LY96: variants seen among roughly 807,000 people sequenced by gnomAD.
The protein encoded by LY96 is lymphocyte antigen 96, also known as myeloid differentiation protein-2.
A neutral mutation model predicts 18.9 loss-of-function variants in LY96; 18 were observed. The observed-to-expected ratio is 0.95, with a 90% CI of 0.66 to 1.41. The LOEUF (loss-of-function observed/expected upper bound fraction) is 1.41. Ranked by LOEUF, LY96 falls within the 40% of genes most tolerant of loss-of-function variation. The pLI, the probability that LY96 is intolerant of heterozygous loss-of-function variation, is 0.00. For missense variants in LY96, 175 were observed against 182.4 expected (o/e 0.96, Z 0.23); for synonymous variants, 66 against 62.6 (o/e 1.06, Z -0.26).
At chr8:74,063,764 C>A in the LY96 span, among the ~76,000 whole-genome samples, 4 of 144,118 alleles carry the variant, frequency 2.8e-5, no homozygotes, top group African/African-American at 8.5e-5. Flanking sequence ...TATTTTCCCA[C>A]CTTTTTTGCT....
the LY96 span, among the ~76,000 whole-genome samples, chr8:74,091,741 C>G: frequency 1.3e-5 from 2 of 152,182 alleles, no homozygotes; most frequent in Admixed American, 1.3e-4. Context: ...CTTCCCTCCT[C>G]GCTGTGATCT....
At chr8:74,033,868 AT>A (rs1288536873), downstream of LY96, among the ~76,000 whole-genome samples, 1 of 151,092 alleles carries the variant, frequency 6.6e-6, no homozygotes, top group Admixed American at 6.6e-5. Flanking sequence ...GTGTAGTAAG[AT>A]TCGTTTCTTT....
At chr8:74,020,257 C>A (rs572893062) in intron 3 of LY96, among the ~76,000 whole-genome samples, 16 of 152,178 alleles carry the variant, frequency 1.1e-4, no homozygotes, top group Non-Finnish European at 1.2e-4. Flanking sequence ...AAATCACAAG[C>A]ATTCCTATAC....
chr8:74,029,514 GC>G (rs2131288287), downstream of LY96, among the ~76,000 whole-genome samples: 1 of 152,200 alleles, frequency 6.6e-6, no homozygotes, highest in African/African-American at 2.4e-5. Context: ...TTTATAAGGA[GC>G]TTTCCCCACC....
the LY96 span, among the ~76,000 whole-genome samples, chr8:74,053,778 G>A: frequency 6.6e-6 from 1 of 152,204 alleles, no homozygotes; most frequent in Non-Finnish European, 1.5e-5. Flanking sequence ...TAGTTTGATT[G>A]GAGGTAAGCC....
chr8:74,044,875 C>T, the LY96 span, among the ~76,000 whole-genome samples: 39,688 of 152,158 alleles, frequency 0.26, 6,359 homozygotes, highest in African/African-American at 0.45. Context: ...TTTACATTCC[C>T]ATGAATCCCT....
chr8:74,006,902 C>A (rs192399653), intron 2 of LY96, among the ~76,000 whole-genome samples: 1 of 152,092 alleles, frequency 6.6e-6, no homozygotes, highest in African/African-American at 2.4e-5. Flanking sequence ...AAAGCAGACA[C>A]TAAGAAGGAA....
At position 73,991,567 on chromosome 8, in the gene LY96, G is replaced by T; in HGVS notation, c.112+13G>T. On this transcript the variant is annotated intron_variant, in intron 1 of 4. Coordinates refer to ENST00000284818, the MANE Select transcript of LY96 (RefSeq NM_015364.5). ...TACACCTACTGTGGTAAGTAAAACCGCAAAACAAATAATTGTAGCATCAAC... is the reference window on the plus strand; with the variant it reads ...TACACCTACTGTGGTAAGTAAAACCTCAAAACAAATAATTGTAGCATCAAC... 7.0e-7 allele frequency: 1 copy of T among 1,435,634 alleles called. No homozygotes were observed. The highest frequency in any genetic ancestry group is 1.7e-5 in the Admixed American group (1 of 59,746). 88.9% of individuals were successfully genotyped at this position (1,435,634 alleles called of 1,614,324 possible). A position where few individuals can be genotyped will look rare whatever the true frequency, so the allele number is the denominator to read the frequency against.
At chr8:74,080,978 T>C in the LY96 span, among the ~76,000 whole-genome samples, 11 of 141,216 alleles carry the variant, frequency 7.8e-5, no homozygotes, top group East Asian at 4.4e-4. Flanking sequence ...CTTTCTTTCT[T>C]TCTCTCTCTT....
chr8:74,007,612 C>G (rs998736340), intron 2 of LY96, among the ~76,000 whole-genome samples: 2 of 152,098 alleles, frequency 1.3e-5, no homozygotes, highest in Non-Finnish European at 2.9e-5. Context: ...GATGTCATAG[C>G]CTTGCTAGTA....
chr8:74,029,943 C>A (rs1266449095), downstream of LY96, among the ~76,000 whole-genome samples: 2 of 152,110 alleles, frequency 1.3e-5, no homozygotes, highest in African/African-American at 2.4e-5. Flanking sequence ...AGCCACTGCG[C>A]CCAACCTAAA....
intron 3 of LY96, among the ~76,000 whole-genome samples, chr8:74,017,124 G>C (rs900762746): frequency 6.6e-6 from 1 of 152,138 alleles, no homozygotes; most frequent in Admixed American, 6.5e-5. Flanking sequence ...GAGGATGTTC[G>C]AACCCATCGC....
At chr8:74,080,996 TTCTTTCTTTCTTTCTTTCTTTCTTTC>T in the LY96 span, among the ~76,000 whole-genome samples, 9 of 103,714 alleles carry the variant, frequency 8.7e-5, no homozygotes, top group African/African-American at 5.0e-4. Context: ...CTTTCTTTCT[TTCTTTCTTTCTTTCTTTCTTTCTTTC>T]TTTCTTTCTT....
chr8:74,031,484 G>A (rs1816968179), downstream of LY96, among the ~76,000 whole-genome samples: 1 of 151,864 alleles, frequency 6.6e-6, no homozygotes, highest in African/African-American at 2.4e-5. Flanking sequence ...AAATTAGCCG[G>A]GTGTGGTGGC....
At chr8:74,096,884 G>A in the LY96 span, among the ~76,000 whole-genome samples, 1 of 152,282 alleles carries the variant, frequency 6.6e-6, no homozygotes, top group African/African-American at 2.4e-5. Flanking sequence ...TAAAGTGTTT[G>A]TTGGGGAGCA....
the LY96 span, chr8:74,055,953 A>C: frequency 6.6e-6 from 1 of 152,556 alleles, no homozygotes; most frequent in Non-Finnish European, 1.5e-5. Flanking sequence ...GTGGTTGATA[A>C]CATTTTCTAA....
At chr8:74,085,454 A>G in the LY96 span, among the ~76,000 whole-genome samples, 1 of 152,190 alleles carries the variant, frequency 6.6e-6, no homozygotes, top group East Asian at 1.9e-4. Context: ...CAAGTTACTC[A>G]TTGTGTCAGT....
At chr8:74,063,961 C>G in the LY96 span, among the ~76,000 whole-genome samples, 3 of 152,146 alleles carry the variant, frequency 2.0e-5, no homozygotes, top group African/African-American at 7.2e-5. Context: ...CTGTCATACT[C>G]TGTTGGTTGG....
the LY96 span, among the ~76,000 whole-genome samples, chr8:74,038,728 T>C: frequency 6.6e-6 from 1 of 152,190 alleles, no homozygotes; most frequent in East Asian, 1.9e-4. Flanking sequence ...TATTCTATTG[T>C]GTAAATGTAC....
Sources: gnomAD v4.1 joint callset for allele counts (sites outside exome capture counted in the v4.1 genomes callset) on GRCh38, gnomAD v4.1.1 for gene constraint, MANE v1.5 for transcripts, NCBI Gene and HGNC (gene_info 2026-07-23, HGNC 2026-07-21) for gene names.